Variants in XPR1 observed in about 807,000 individuals in gnomAD.
XPR1 encodes the protein xenotropic and polytropic retrovirus receptor 1, also known as solute carrier family 53 member 1.
Under a neutral mutation model 87.5 loss-of-function variants are expected in XPR1, and 28 were observed. The ratio of observed to expected loss-of-function variants is 0.32; its 90% confidence interval spans 0.24 to 0.44. The LOEUF is 0.44. XPR1 is among the 20% of genes least tolerant of loss of function. XPR1 has a pLI of 1.00. For synonymous variants in XPR1, 300 were observed against 306.1 expected (o/e 0.98, Z 0.21); for missense variants, 559 against 862.3 (o/e 0.65, Z 4.41).
At chr1:180,759,564 G>A (rs565201786) in intron 2 of XPR1, among the ~76,000 whole-genome samples, 2 of 152,104 alleles carry the variant, frequency 1.3e-5, no homozygotes, top group African/African-American at 4.8e-5. Context: ...GACTAAACCA[G>A]GAAGAAGTTG....
At chr1:180,719,714 CG>C (rs1658115089) in intron 2 of XPR1, among the ~76,000 whole-genome samples, 3 of 152,216 alleles carry the variant, frequency 2.0e-5, no homozygotes, top group African/African-American at 7.2e-5. Flanking sequence ...TTACTTTAAA[CG>C]TTTTATCACT....
chr1:180,723,207 A>G (rs990462680), intron 2 of XPR1, among the ~76,000 whole-genome samples: 6 of 152,192 alleles, frequency 3.9e-5, no homozygotes, highest in Non-Finnish European at 7.4e-5. Flanking sequence ...GAAACTTTCT[A>G]TATTACATTT....
Position 180,803,446 on chromosome 1 carries a change from A to C in XPR1, c.282A>C (p.Ser94=), listed in dbSNP as rs1327989752. Reference sequence around the variant, plus strand: ...CACTTCAGAATGAGCTTCAGTCATCACTGGATGCACAGAAAGAAAGCACTG... The same window carrying C: ...CACTTCAGAATGAGCTTCAGTCATCCCTGGATGCACAGAAAGAAAGCACTG... ...FATLQNELQS[S]LDAQKESTGV... Residue 94 remains serine (S), a synonymous_variant, in exon 4 of 15, where the codon TCA becomes TCC. Transcript: ENST00000367590. 2.5e-6 allele frequency: 4 copies of C among 1,614,092 alleles called. No homozygotes were observed. The highest frequency in any genetic ancestry group is 3.4e-6 in the Non-Finnish European group (4 of 1,179,992).
intron 1 of XPR1, among the ~76,000 whole-genome samples, chr1:180,637,945 T>A (rs1557933300): frequency 1.3e-5 from 2 of 152,242 alleles, no homozygotes; most frequent in Non-Finnish European, 2.9e-5. Context: ...TCTGCCTTTG[T>A]AAGGTCTGTT....
chr1:180,833,225 C>T (rs189937311), intron 9 of XPR1, among the ~76,000 whole-genome samples: 4 of 152,200 alleles, frequency 2.6e-5, no homozygotes, highest in Admixed American at 2.6e-4. Context: ...CAAAAACATA[C>T]CAAAATGTAA....
rs35751561 is a variant in XPR1 at position 180,704,245 on chromosome 1, GATATATAT to G, written c.121+21859_121+21866del. On this transcript the variant is annotated intron_variant, in intron 2 of 14. Coordinates refer to ENST00000367590, the MANE Select transcript of XPR1 (RefSeq NM_004736.4). ...TTTCTCAAGAACACTATAGGTGCTG[GATATATAT>G]ATATATATATATATATATATATATT... 1.6e-3 allele frequency among the ~76,000 whole-genome samples: 106 copies of G among 66,024 alleles called. 1 individual carries two copies. In the Middle Eastern group the frequency reaches 0.056, roughly 35 times the overall value. The allele number at this position is 66,024 out of a possible 152,430, so 43.3% of individuals were successfully genotyped here. A position where few individuals can be genotyped will look rare whatever the true frequency, so the allele number is the denominator to read the frequency against.
chr1:180,806,059 T>C lies in XPR1; in HGVS notation c.448-3T>C, dbSNP rs762819231. 1.1e-5 allele frequency: 17 copies of C among 1,611,738 alleles called. No individual in the cohort carries two copies. The East Asian group carries it at 3.6e-4, about 34-fold the overall frequency. On this transcript the variant is annotated splice_polypyrimidine_tract_variant and splice_region_variant and intron_variant, in intron 4 of 14. Coordinates refer to ENST00000367590, the MANE Select transcript of XPR1 (RefSeq NM_004736.4). ...TAGTTGTGTTTCTCATTTCTTTCTG[T>C]AGAATCTGAATTTTACAGGGTTTCG... is the stretch of plus-strand genomic sequence containing the variant.
chr1:180,815,416 C>T (rs556694284), intron 7 of XPR1, among the ~76,000 whole-genome samples: 1 of 152,126 alleles, frequency 6.6e-6, no homozygotes, highest in East Asian at 1.9e-4. Flanking sequence ...ATAGTTAAAG[C>T]CAGCTGTCTA....
intron 1 of XPR1, among the ~76,000 whole-genome samples, chr1:180,663,584 T>G (rs1297752544): frequency 1.3e-5 from 2 of 152,156 alleles, no homozygotes; most frequent in Non-Finnish European, 2.9e-5. Flanking sequence ...CCACACTGGG[T>G]CAGACCCGAA....
chr1:180,661,752 G>A (rs1300906488), intron 1 of XPR1, among the ~76,000 whole-genome samples: 1 of 152,104 alleles, frequency 6.6e-6, no homozygotes, highest in African/African-American at 2.4e-5. Context: ...GCACGTACCT[G>A]TAGTCCCAGC....
chr1:180,661,476 CGTGTGTGTGTGT>C (rs60527318), intron 1 of XPR1, among the ~76,000 whole-genome samples: 9,536 of 142,394 alleles, frequency 0.067, 401 homozygotes, highest in Non-Finnish European at 0.089. Context: ...TTTAATTTTT[CGTGTGTGTGTGT>C]GTGTGTGTGT....
intron 10 of XPR1, among the ~76,000 whole-genome samples, chr1:180,835,652 TG>T (rs1396460327): frequency 6.6e-6 from 1 of 152,202 alleles, no homozygotes; most frequent in African/African-American, 2.4e-5. Flanking sequence ...ATCACAGTTC[TG>T]TTGTAGGTTG....
At chr1:180,815,252 T>A (rs1650366492) in intron 7 of XPR1, among the ~76,000 whole-genome samples, 1 of 152,160 alleles carries the variant, frequency 6.6e-6, no homozygotes, top group Non-Finnish European at 1.5e-5. Flanking sequence ...TTTGAGGGTT[T>A]TTTTGTTTAG....
At chr1:180,668,817 C>T (rs905787958) in intron 1 of XPR1, among the ~76,000 whole-genome samples, 24 of 152,110 alleles carry the variant, frequency 1.6e-4, no homozygotes, top group African/African-American at 4.3e-4. Context: ...AGACTGAGCA[C>T]GGTGGCTCAC....
At chr1:180,811,547 GCCCCTCT>G in intron 7 of XPR1, 59 bp downstream of exon 7, 9 of 1,367,082 alleles carry the variant, frequency 6.6e-6, no homozygotes, top group Non-Finnish European at 9.2e-6. Context: ...GTCATATTCT[GCCCCTCT>G]GTAAGGAATT....
intron 2 of XPR1, among the ~76,000 whole-genome samples, chr1:180,704,814 G>GTTTTTTTTTTTTTTTT (rs567903048): frequency 1.3e-4 from 7 of 51,960 alleles, no homozygotes; most frequent in East Asian, 1.3e-3. Context: ...ACTGTTGGTT[G>GTTTTTTTTTTTTTTTT]TTTTTTTTTT....
chr1:180,754,869 T>C (rs1175024683), intron 2 of XPR1, among the ~76,000 whole-genome samples: 1 of 152,042 alleles, frequency 6.6e-6, no homozygotes, highest in African/African-American at 2.4e-5. Flanking sequence ...CACTCCCCTG[T>C]GATAATTTAG....
intron 11 of XPR1, among the ~76,000 whole-genome samples, chr1:180,839,983 G>A (rs1651445315): frequency 6.6e-6 from 1 of 152,048 alleles, no homozygotes; most frequent in African/African-American, 2.4e-5. Flanking sequence ...CAGCACTTTG[G>A]GAGGCCGAGG....
At chr1:180,862,152 C>G (rs1652245307) in intron 11 of XPR1, among the ~76,000 whole-genome samples, 1 of 151,972 alleles carries the variant, frequency 6.6e-6, no homozygotes. Context: ...AACTGATGTT[C>G]ACACAACACT....
Sources: gnomAD v4.1 joint callset for allele counts (sites outside exome capture counted in the v4.1 genomes callset) on GRCh38, gnomAD v4.1.1 for gene constraint, MANE v1.5 for transcripts, NCBI Gene and HGNC (gene_info 2026-07-23, HGNC 2026-07-21) for gene names.